Variants in THRB observed in about 807,000 individuals in gnomAD.
THRB encodes the protein thyroid hormone receptor beta, also known as nuclear receptor subfamily 1 group A member 2.
A neutral mutation model predicts 47.8 loss-of-function variants in THRB; 12 were observed. That is an observed-to-expected ratio of 0.25 (90% confidence interval 0.16 to 0.41). The LOEUF is 0.41. Among genes scored for constraint, THRB ranks in the 10% least tolerant of loss-of-function variants. THRB has a pLI of 1.00. For missense variants in THRB, 348 were observed against 589.2 expected (o/e 0.59, Z 4.24); for synonymous variants, 218 against 212.2 (o/e 1.03, Z -0.24).
chr3:24,342,863 A>G (rs9875048), intron 1 of THRB, among the ~76,000 whole-genome samples: 51,238 of 152,078 alleles, frequency 0.34, 11,248 homozygotes, highest in African/African-American at 0.63. Context: ...AGCGAAGTGC[A>G]GGAAATACCG....
intron 2 of THRB, among the ~76,000 whole-genome samples, chr3:24,326,188 G>A (rs2058792504): frequency 6.6e-6 from 1 of 152,126 alleles, no homozygotes; most frequent in African/African-American, 2.4e-5. Context: ...TTGTGAATAT[G>A]TATCCTGATT....
chr3:24,297,741 C>T (rs575270371), intron 2 of THRB, among the ~76,000 whole-genome samples: 72 of 152,300 alleles, frequency 4.7e-4, no homozygotes, highest in Middle Eastern at 3.4e-3. Context: ...TGATGCTGCA[C>T]ATTATAATCA....
chr3:24,285,480 C>T (rs1220910551), intron 3 of THRB, among the ~76,000 whole-genome samples: 1 of 149,004 alleles, frequency 6.7e-6, no homozygotes, highest in Non-Finnish European at 1.5e-5. Context: ...ATACCTAATG[C>T]TAGAGGACGA....
intron 1 of THRB, among the ~76,000 whole-genome samples, chr3:24,347,668 C>A (rs966489897): frequency 1.1e-4 from 16 of 149,382 alleles, no homozygotes; most frequent in African/African-American, 3.7e-4. Context: ...ACTATAAATC[C>A]TACAGACAAT....
chr3:24,288,579 G>A (rs142722704), intron 3 of THRB, among the ~76,000 whole-genome samples: 26 of 152,220 alleles, frequency 1.7e-4, no homozygotes, highest in Middle Eastern at 3.4e-3. Context: ...TCTGAAGGCT[G>A]CCAAAGGATG....
intron 3 of THRB, among the ~76,000 whole-genome samples, chr3:24,269,646 A>G (rs1348131687): frequency 2.1e-5 from 3 of 146,272 alleles, no homozygotes; most frequent in Non-Finnish European, 4.5e-5. Flanking sequence ...ATGTTGCCTC[A>G]GTTGGTCTCA....
intron 1 of THRB, among the ~76,000 whole-genome samples, chr3:24,339,724 C>A (rs1342416357): frequency 1.3e-5 from 2 of 152,080 alleles, no homozygotes; most frequent in Non-Finnish European, 2.9e-5. Flanking sequence ...CAAGTTCAAG[C>A]CCCAAACCCT....
chr3:24,269,299 ACACACAC>A, intron 3 of THRB, among the ~76,000 whole-genome samples: 1 of 100,040 alleles, frequency 1.0e-5, no homozygotes, highest in Non-Finnish European at 2.3e-5. Context: ...ACACACACAC[ACACACAC>A]ACACACACAC....
Position 24,143,834 on chromosome 3 carries a change from G to A in THRB, c.533-128C>T, listed in dbSNP as rs2035760637. ...TGGCTTACTGGGTCCTTCGGGGTGG[G>A]TCACACTGGGACAGTTTCTCTCCTC... is the stretch of plus-strand genomic sequence containing the variant. On this transcript the variant is annotated intron_variant, in intron 7 of 10. Coordinates refer to ENST00000646209, the MANE Select transcript of THRB (RefSeq NM_001354712.2). 7 of 886,746 alleles carry A rather than the reference G, an allele frequency of 7.9e-6. 1 individual carries two copies. The South Asian group carries it at 1.0e-4, about 13-fold the overall frequency. The allele number at this position is 886,746 out of a possible 1,614,324, so 54.9% of individuals were successfully genotyped here.
intron 5 of THRB, among the ~76,000 whole-genome samples, chr3:24,158,619 G>A (rs1356264596): frequency 2.0e-5 from 3 of 152,034 alleles, no homozygotes; most frequent in East Asian, 3.9e-4. Context: ...TAGTAGAGAC[G>A]GGGTTTTGTC....
intron 3 of THRB, among the ~76,000 whole-genome samples, chr3:24,253,613 A>G (rs1234375221): frequency 2.0e-5 from 3 of 152,180 alleles, no homozygotes; most frequent in African/African-American, 7.2e-5. Context: ...CTGCTCCAGG[A>G]CGGAATTGTC....
intron 5 of THRB, among the ~76,000 whole-genome samples, chr3:24,163,507 C>A (rs17194828): frequency 0.12 from 17,797 of 152,106 alleles, 1,286 homozygotes; most frequent in South Asian, 0.22. Context: ...AGAATGAGCA[C>A]ATAGATTGAC....
chr3:24,278,751 C>T (rs539965578), intron 3 of THRB, among the ~76,000 whole-genome samples: 2 of 152,324 alleles, frequency 1.3e-5, no homozygotes, highest in Non-Finnish European at 2.9e-5. Context: ...CCTATAATTC[C>T]AGTAACCAGC....
chr3:24,229,979 C>T (rs1200644693), intron 3 of THRB, among the ~76,000 whole-genome samples: 1 of 152,104 alleles, frequency 6.6e-6, no homozygotes, highest in Non-Finnish European at 1.5e-5. Flanking sequence ...AATACTTGTC[C>T]CACTTATTTC....
chr3:24,474,123 G>A (rs1009456356), intron 1 of THRB, among the ~76,000 whole-genome samples: 3 of 152,074 alleles, frequency 2.0e-5, no homozygotes, highest in Admixed American at 6.6e-5. Context: ...AAAAAAGTTC[G>A]TTGTATGCTT....
At chr3:24,457,889 A>G (rs1020525054) in intron 1 of THRB, 1 of 152,306 alleles carries the variant, frequency 6.6e-6, no homozygotes, top group South Asian at 2.1e-4. Flanking sequence ...TGAAGGCTAT[A>G]GGAGCTCTTC....
At chr3:24,401,267 T>C (rs2150080772) in intron 1 of THRB, among the ~76,000 whole-genome samples, 1 of 152,166 alleles carries the variant, frequency 6.6e-6, no homozygotes, top group South Asian at 2.1e-4. Flanking sequence ...GCTAAAGCTA[T>C]TAGCCAAAGA....
At chr3:24,213,757 A>C (rs1167229870) in intron 4 of THRB, among the ~76,000 whole-genome samples, 3 of 152,220 alleles carry the variant, frequency 2.0e-5, no homozygotes, top group East Asian at 3.8e-4. Context: ...TTCTGAGCCA[A>C]ACCTGTGACT....
chr3:24,480,946 T>A (rs983980153), intron 1 of THRB, among the ~76,000 whole-genome samples: 1 of 152,218 alleles, frequency 6.6e-6, no homozygotes, highest in African/African-American at 2.4e-5. Context: ...CTTGACACTT[T>A]CTGAACAGTC....
Sources: allele counts gnomAD v4.1 joint callset (sites outside exome capture counted in the v4.1 genomes callset), GRCh38; gene constraint gnomAD v4.1.1; transcripts MANE v1.5; gene names NCBI Gene and HGNC (gene_info 2026-07-23, HGNC 2026-07-21).